VRTN: variants seen among roughly 807,000 people sequenced by gnomAD.
The protein encoded by VRTN is vertebrae development associated.
In VRTN, 5 loss-of-function variants were observed where a neutral mutation model predicts 18.2. That is an observed-to-expected ratio of 0.27 (90% CI 0.14 to 0.58). VRTN has a LOEUF of 0.58. Among genes scored for constraint, VRTN ranks in the 20% least tolerant of loss-of-function variants. The pLI is 0.91. For missense variants in VRTN, 741 were observed against 939.4 expected (o/e 0.79, Z 2.76); for synonymous variants, 381 against 393.7 (o/e 0.97, Z 0.38).
upstream of VRTN, among the ~76,000 whole-genome samples, chr14:74,345,602 ATGTTT>A (rs1166504768): frequency 6.6e-6 from 1 of 152,024 alleles, no homozygotes; most frequent in Non-Finnish European, 1.5e-5. Flanking sequence ...TTAGTCAAAA[ATGTTT>A]TTAAAATAGC....
At chr14:74,347,101 C>T (rs2085648792), upstream of VRTN, among the ~76,000 whole-genome samples, 1 of 152,178 alleles carries the variant, frequency 6.6e-6, no homozygotes, top group Non-Finnish European at 1.5e-5. Context: ...CTAGAATACA[C>T]TTTCTTTGTA....
chr14:74,352,242 G>C (rs560014204), intron 1 of VRTN, among the ~76,000 whole-genome samples: 1 of 151,582 alleles, frequency 6.6e-6, no homozygotes, highest in African/African-American at 2.4e-5. Flanking sequence ...TGCGGTGGGC[G>C]ATCTCGGCTC....
chr14:74,307,955 C>T (rs1370487234), intron 1 of VRTN, among the ~76,000 whole-genome samples: 2 of 152,120 alleles, frequency 1.3e-5, no homozygotes, highest in African/African-American at 2.4e-5. Flanking sequence ...GTCTCGAACT[C>T]CTGATCTTGT....
At chr14:74,342,465 A>ATG (rs1316121846) in intron 2 of VRTN, among the ~76,000 whole-genome samples, 1 of 152,176 alleles carries the variant, frequency 6.6e-6, no homozygotes, top group Non-Finnish European at 1.5e-5. Flanking sequence ...TCGTGTATAT[A>ATG]TGTATATGCG....
intron 1 of VRTN, among the ~76,000 whole-genome samples, chr14:74,353,916 C>T (rs1314212406): frequency 2.6e-5 from 4 of 151,940 alleles, no homozygotes; most frequent in African/African-American, 7.3e-5. Context: ...TGGAGACGGG[C>T]TTTCACCATG....
rs1338300851 is a variant in VRTN at position 74,358,611 on chromosome 14, C to T, written c.1828C>T (p.Gln610Ter). 1.9e-6 allele frequency: 3 copies of T among 1,600,318 alleles called. No individual in the cohort carries two copies. Among genetic ancestry groups the T allele is most frequent in the Non-Finnish European group, 2.6e-6 (3 of 1,172,718 alleles). Residue 610 changes from glutamine to a stop codon, truncating the protein, a stop_gained, in exon 2 of 2, where the codon CAG (glutamine) becomes TAG (stop). Transcript: ENST00000256362. LOFTEE classifies it high-confidence loss of function. This position sits in a 1 kb window ranked among gnomAD's most constrained non-coding sequence, Gnocchi z 5.4. ...EGGPSREGAL[Q>*]EGATAQGQPH... ...AGGGCCTTCCAGAGAGGGGGCCCTG[C>T]AGGAGGGGGCCACAGCCCAGGGCCA...
chr14:74,357,236 C>T lies in VRTN; in HGVS notation c.453C>T (p.Ala151=). Residue 151 remains alanine, a synonymous_variant, in exon 2 of 2, where the codon GCC becomes GCT. Coordinates refer to ENST00000256362, the MANE Select transcript of VRTN (RefSeq NM_018228.3). This position sits in a 1 kb window ranked among gnomAD's most constrained non-coding sequence, Gnocchi z 7.8. ...ESPEMTSLPP[A]TLEAIFDADV... ...CTGAGATGACCAGCTTGCCCCCCGCCACGCTGGAGGCCATCTTCGATGCCG... is the reference window on the plus strand; with the variant it reads ...CTGAGATGACCAGCTTGCCCCCCGCTACGCTGGAGGCCATCTTCGATGCCG... The T allele has an allele frequency of 1.9e-6, 3 of 1,613,386 alleles. No individual in the cohort carries two copies. The highest frequency in any genetic ancestry group is 1.7e-6 in the Non-Finnish European group (2 of 1,179,848).
At position 74,357,423 on chromosome 14, in the gene VRTN, G is replaced by A. The variant is rs199599167; in HGVS notation, c.640G>A (p.Val214Met). The A allele has an allele frequency of 4.7e-4, 757 of 1,612,376 alleles. No individual in the cohort carries two copies. Among genetic ancestry groups the A allele is most frequent in the Non-Finnish European group, 6.3e-4 (741 of 1,180,010 alleles). ...CATCCGGCCCCGCCGCTGCGACCAC[G>A]TGCCCTCCACGCTGCACATCATGTG... ...RVIRPRRCDHVPSTLHIMWAG... is the reference protein window; with the variant it reads ...RVIRPRRCDHMPSTLHIMWAG... Residue 214 changes from valine (V) to methionine (M), a missense_variant, in exon 2 of 2, where the codon GTG becomes ATG. This residue lies in a region of VRTN where 494 missense variants were observed against 546.5 expected (regional missense o/e 0.90). Transcript: ENST00000256362. The surrounding 1 kb of genome is among the most constrained non-coding windows in gnomAD (Gnocchi z 7.8).
intron 1 of VRTN, chr14:74,306,139 A>AATATAT: frequency 9.8e-6 from 1 of 101,910 alleles, no homozygotes; most frequent in African/African-American, 4.1e-5. Context: ...TATATGTAAA[A>AATATAT]ATATACATAT....
At chr14:74,340,932 C>T (rs887541679) in intron 2 of VRTN, among the ~76,000 whole-genome samples, 2 of 151,828 alleles carry the variant, frequency 1.3e-5, no homozygotes, top group Non-Finnish European at 2.9e-5. Context: ...TTAGTAGAGA[C>T]GGGGTTTCAC....
chr14:74,342,908 C>T (rs150606482), intron 2 of VRTN, among the ~76,000 whole-genome samples: 5 of 151,972 alleles, frequency 3.3e-5, no homozygotes, highest in Admixed American at 2.0e-4. Flanking sequence ...TGAGCCACCA[C>T]GCCAGTCTAA....
At chr14:74,334,127 G>A (rs1231230939) in intron 1 of VRTN, among the ~76,000 whole-genome samples, 6 of 152,218 alleles carry the variant, frequency 3.9e-5, no homozygotes, top group African/African-American at 9.6e-5. Context: ...CCCTCAGAAC[G>A]TGAATGTTAG....
Position 74,357,994 on chromosome 14 carries a change from G to A in VRTN, c.1211G>A (p.Arg404Gln), listed in dbSNP as rs781550538. The change falls in exon 2 of 2, where the codon CGG (arginine) becomes CAG (glutamine). Residue 404 changes from arginine to glutamine, a missense_variant. Arg to Gln is a conservative substitution (Grantham distance 43). Around this residue, in one of 3 missense-constraint regions of VRTN, gnomAD observed 494 missense variants for 546.5 expected, o/e 0.90. Transcript: ENST00000256362. This position sits in a 1 kb window ranked among gnomAD's most constrained non-coding sequence, Gnocchi z 7.8. The stretch of plus-strand genomic sequence containing the variant: ...AGCCCTGGAATGGTCTTAATGCAGC[G>A]GGCCAAGTTGTACCTGGAGCATTGC... ...VSSPGMVLMQRAKLYLEHCIS... is the reference protein window; with the variant it reads ...VSSPGMVLMQQAKLYLEHCIS... 24 of 1,614,088 alleles carry A rather than the reference G, an allele frequency of 1.5e-5. No individual in the cohort carries two copies. Among genetic ancestry groups the A allele is most frequent in the Non-Finnish European group, 1.9e-5 (22 of 1,180,040 alleles).
At chr14:74,312,361 T>C (rs532997255) in intron 1 of VRTN, among the ~76,000 whole-genome samples, 4 of 152,330 alleles carry the variant, frequency 2.6e-5, no homozygotes, top group African/African-American at 7.2e-5. Flanking sequence ...CTGAAGTTGA[T>C]TGCAATCTGT....
At chr14:74,347,461 TGA>T (rs1398782094), upstream of VRTN, among the ~76,000 whole-genome samples, 1 of 152,202 alleles carries the variant, frequency 6.6e-6, no homozygotes, top group African/African-American at 2.4e-5. Flanking sequence ...GAGCTGTGAT[TGA>T]GAGAGGAGAA....
intron 1 of VRTN, among the ~76,000 whole-genome samples, chr14:74,329,680 GC>G (rs933542670): frequency 4.6e-5 from 7 of 151,360 alleles, no homozygotes; most frequent in African/African-American, 1.7e-4. Flanking sequence ...CTGGGTTCAA[GC>G]GATTCTCCTG....
At chr14:74,330,297 T>C (rs532058210) in intron 1 of VRTN, among the ~76,000 whole-genome samples, 137 of 152,196 alleles carry the variant, frequency 9.0e-4, no homozygotes, top group African/African-American at 3.2e-3. Flanking sequence ...TGATACTCTG[T>C]TTGTTCTACA....
intron 1 of VRTN, among the ~76,000 whole-genome samples, chr14:74,317,933 C>G (rs1330740655): frequency 2.0e-5 from 3 of 152,158 alleles, no homozygotes; most frequent in Non-Finnish European, 4.4e-5. Flanking sequence ...TTATACCAGC[C>G]TGGGCTACAA....
At chr14:74,350,697 A>G (rs182107247) in intron 1 of VRTN, among the ~76,000 whole-genome samples, 24 of 152,318 alleles carry the variant, frequency 1.6e-4, no homozygotes, top group African/African-American at 5.3e-4. Flanking sequence ...TGCGAAAGCT[A>G]CTTAATGTAA....
Sources: gnomAD v4.1 joint callset for allele counts (sites outside exome capture counted in the v4.1 genomes callset) on GRCh38, gnomAD v4.1.1 for gene constraint, gnomAD v4.1.1 regional missense constraint, Gnocchi (gnomAD v3.1) non-coding constraint, MANE v1.5 for transcripts, NCBI Gene and HGNC (gene_info 2026-07-23, HGNC 2026-07-21) for gene names.